Variants in SORCS2 observed in about 807,000 individuals in gnomAD.
SORCS2 encodes the protein sortilin related VPS10 domain containing receptor 2.
In SORCS2, 100 loss-of-function variants were observed where a neutral mutation model predicts 141.6. That is an observed-to-expected ratio of 0.71 (90% confidence interval 0.60 to 0.83). The LOEUF (loss-of-function observed/expected upper bound fraction) is 0.83, where lower values mean the gene tolerates loss of function less well. Ranked by LOEUF, SORCS2 falls within the 40% of genes least tolerant of loss-of-function variation. The pLI is 0.00. For missense variants in SORCS2, 1,646 were observed against 1,560.2 expected, an observed-to-expected ratio of 1.05 and a Z score of -0.93; for synonymous variants, 789 against 676.9, an observed-to-expected ratio of 1.17 and a Z score of -2.57.
At chr4:7,459,195 C>T (rs1729129878) in intron 2 of SORCS2, among the ~76,000 whole-genome samples, 1 of 152,122 alleles carries the variant, frequency 6.6e-6, no homozygotes, top group African/African-American at 2.4e-5. Flanking sequence ...CTCCCTGCCC[C>T]ACCATGGGAC....
chr4:7,653,416 T>G (rs1721559701), intron 4 of SORCS2, among the ~76,000 whole-genome samples: 1 of 152,198 alleles, frequency 6.6e-6, no homozygotes, highest in Non-Finnish European at 1.5e-5. Context: ...GCTAATTTTG[T>G]ATTTTTAGTA....
intron 1 of SORCS2, among the ~76,000 whole-genome samples, chr4:7,371,625 G>C (rs1342450900): frequency 6.6e-6 from 1 of 152,166 alleles, no homozygotes; most frequent in Non-Finnish European, 1.5e-5. Flanking sequence ...CCGGCATCGT[G>C]ATCTGGAATT....
intron 2 of SORCS2, among the ~76,000 whole-genome samples, chr4:7,402,209 C>T (rs1305228745): frequency 6.6e-6 from 1 of 152,184 alleles, no homozygotes; most frequent in African/African-American, 2.4e-5. Context: ...TGGAATTGCT[C>T]TCTCTCAAAG....
At chr4:7,213,905 G>A (rs536839928) in intron 1 of SORCS2, among the ~76,000 whole-genome samples, 51 of 152,340 alleles carry the variant, frequency 3.3e-4, no homozygotes, top group Non-Finnish European at 3.7e-4. Context: ...CTGGAAGCTG[G>A]CTTCCTGGGG....
intron 1 of SORCS2, among the ~76,000 whole-genome samples, chr4:7,384,132 C>T (rs1252918882): frequency 6.6e-6 from 1 of 152,104 alleles, no homozygotes; most frequent in Non-Finnish European, 1.5e-5. Context: ...CTGCAGAGGC[C>T]CTTGGTGGAG....
In SORCS2 at chr4:7,634,682, G is replaced by C. The variant is rs182609543; in HGVS notation, c.649-3646G>C. On this transcript the variant is annotated intron_variant, in intron 3 of 26. Coordinates refer to ENST00000507866, the MANE Select transcript of SORCS2 (RefSeq NM_020777.3). ...GGTAACTCCCACACCCCTCAAGCGC[G>C]GGCTGTGCGTGGTGACTTCCTTCCA... 4.6e-5 allele frequency among the ~76,000 whole-genome samples: 7 copies of C among 152,294 alleles called. No individual in the cohort carries two copies. The South Asian group carries it at 1.2e-3, about 27-fold the overall frequency.
chr4:7,395,357 C>G (rs1231205469), intron 1 of SORCS2, among the ~76,000 whole-genome samples: 1 of 152,188 alleles, frequency 6.6e-6, no homozygotes, highest in East Asian at 1.9e-4. Context: ...CTCCAAAACC[C>G]AAAGCTGTTC....
chr4:7,438,116 A>T (rs2109250325), intron 2 of SORCS2, among the ~76,000 whole-genome samples: 1 of 152,342 alleles, frequency 6.6e-6, no homozygotes, highest in South Asian at 2.1e-4. Flanking sequence ...CAGCAGCCCC[A>T]GTGCTGCCCC....
At chr4:7,488,115 A>G (rs557673404) in intron 2 of SORCS2, among the ~76,000 whole-genome samples, 19 of 152,294 alleles carry the variant, frequency 1.2e-4, no homozygotes, top group African/African-American at 3.4e-4. Flanking sequence ...AATTAAGGCA[A>G]TCTTGGCAGC....
rs1560112215 is a variant in SORCS2 at position 7,723,689 on chromosome 4, C to T, written c.2425-8C>T. ...ACTCCTGAGTGGCCACATGGTGTTT[C>T]TCTGCAGGGTGATGTCCTGACTACC... is the stretch of plus-strand genomic sequence containing the variant. On this transcript the variant is annotated splice_polypyrimidine_tract_variant and splice_region_variant and intron_variant, in intron 18 of 26. Transcript: ENST00000507866. 3.1e-6 allele frequency: 5 copies of T among 1,613,800 alleles called. No individual in the cohort carries two copies. The highest frequency in any genetic ancestry group is 2.5e-6 in the Non-Finnish European group (3 of 1,179,802).
Position 7,718,080 on chromosome 4 carries a change from A to G in SORCS2, c.2321A>G (p.Gln774Arg). ...ATGCAGCAGAGTCAGGTGCAGCTGC[A>G]GTGCCCCCTCACGCCGCCCCGGGGC... ...VDMQQSQVQL[Q>R]CPLTPPRGLQ... The change falls in exon 18 of 27, where the codon CAG becomes CGG. Residue 774 changes from glutamine to arginine, a missense_variant. Physicochemically the swap from Gln to Arg is conservative, Grantham distance 43. Transcript: ENST00000507866. 7 of 1,611,908 alleles carry G rather than the reference A, an allele frequency of 4.3e-6. No homozygotes were observed. The highest frequency in any genetic ancestry group is 5.9e-6 in the Non-Finnish European group (7 of 1,179,160).
intron 1 of SORCS2, among the ~76,000 whole-genome samples, chr4:7,228,386 A>T (rs1435589176): frequency 6.6e-6 from 1 of 152,180 alleles, no homozygotes; most frequent in Non-Finnish European, 1.5e-5. Context: ...AACATGTAAC[A>T]GTCACCTGCA....
At chr4:7,415,502 C>T (rs536335898) in intron 2 of SORCS2, among the ~76,000 whole-genome samples, 18 of 152,278 alleles carry the variant, frequency 1.2e-4, no homozygotes, top group African/African-American at 4.3e-4. Flanking sequence ...TTTAGGGACC[C>T]CTGGGGTGAC....
intron 2 of SORCS2, among the ~76,000 whole-genome samples, chr4:7,529,680 C>T (rs1370540121): frequency 2.0e-5 from 3 of 152,152 alleles, no homozygotes; most frequent in Admixed American, 6.5e-5. Flanking sequence ...GTGTCAGGCT[C>T]GTAAACACAA....
At chr4:7,580,802 A>T (rs1029072853) in intron 3 of SORCS2, among the ~76,000 whole-genome samples, 1 of 152,156 alleles carries the variant, frequency 6.6e-6, no homozygotes, top group Non-Finnish European at 1.5e-5. Context: ...ATCGTGTAAA[A>T]GTTAGACTAG....
chr4:7,550,298 G>T (rs893189832), intron 3 of SORCS2, among the ~76,000 whole-genome samples: 2 of 152,046 alleles, frequency 1.3e-5, no homozygotes, highest in African/African-American at 4.8e-5. Context: ...GGCACTGGGG[G>T]CCTGAGTTCT....
chr4:7,734,780 G>A (rs756506878), intron 25 of SORCS2, among the ~76,000 whole-genome samples: 1 of 152,168 alleles, frequency 6.6e-6, no homozygotes, highest in Non-Finnish European at 1.5e-5. Context: ...ACCCAGGCCC[G>A]CCCACATCCC....
intron 15 of SORCS2, 79 bp downstream of exon 15, chr4:7,712,932 C>T: frequency 6.4e-7 from 1 of 1,570,114 alleles, no homozygotes. Context: ...CCAAAGTCCT[C>T]CCCTGCAAGG....
chr4:7,364,379 G>A (rs754128981), intron 1 of SORCS2, among the ~76,000 whole-genome samples: 1 of 152,216 alleles, frequency 6.6e-6, no homozygotes, highest in Non-Finnish European at 1.5e-5. Context: ...TTCTCTCAAT[G>A]TGATAGAAAG....
Sources: gnomAD v4.1 joint callset for allele counts (sites outside exome capture counted in the v4.1 genomes callset) on GRCh38, gnomAD v4.1.1 for gene constraint, MANE v1.5 for transcripts, NCBI Gene and HGNC (gene_info 2026-07-23, HGNC 2026-07-21) for gene names.